Variants in PDE4D observed in about 807,000 individuals in gnomAD.
The protein encoded by PDE4D is phosphodiesterase 4D.
Under a neutral mutation model 87.4 loss-of-function variants are expected in PDE4D, and 24 were observed. That is an observed-to-expected ratio of 0.27 (90% confidence interval 0.20 to 0.39). The LOEUF (loss-of-function observed/expected upper bound fraction) is 0.39, where lower values mean the gene tolerates loss of function less well. Ranked by LOEUF, PDE4D falls within the 10% of genes least tolerant of loss-of-function variation. The pLI is 1.00. For synonymous variants in PDE4D, 384 were observed against 383.2 expected, an observed-to-expected ratio of 1.00 and a Z score of -0.02; for missense variants, 714 against 1,041.0, an observed-to-expected ratio of 0.69 and a Z score of 4.32.
chr5:59,654,363 C>T (rs975225330), intron 1 of PDE4D, among the ~76,000 whole-genome samples: 1 of 152,170 alleles, frequency 6.6e-6, no homozygotes, highest in Non-Finnish European at 1.5e-5. Flanking sequence ...GAGTTGCTCA[C>T]CTATTACCTG....
chr5:59,482,076 C>T (rs1030128152), intron 1 of PDE4D, among the ~76,000 whole-genome samples: 1 of 152,092 alleles, frequency 6.6e-6, no homozygotes, highest in Non-Finnish European at 1.5e-5. Context: ...TCAACTCTCA[C>T]ATTTTAAGTA....
chr5:59,411,251 T>C (rs1311675008), intron 1 of PDE4D, among the ~76,000 whole-genome samples: 1 of 152,178 alleles, frequency 6.6e-6, no homozygotes, highest in Non-Finnish European at 1.5e-5. Context: ...TTCTCAACTT[T>C]GTTGATTTTT....
intron 1 of PDE4D, among the ~76,000 whole-genome samples, chr5:60,440,135 C>A (rs2150131195): frequency 6.6e-6 from 1 of 152,226 alleles, no homozygotes; most frequent in South Asian, 2.1e-4. Context: ...CAGTTAGCAG[C>A]AAGCTAACGA....
intron 1 of PDE4D, among the ~76,000 whole-genome samples, chr5:60,240,114 T>G (rs985865253): frequency 2.6e-5 from 4 of 152,102 alleles, no homozygotes; most frequent in African/African-American, 9.7e-5. Context: ...TTTTGTTTTA[T>G]ATATTATTAA....
intron 1 of PDE4D, among the ~76,000 whole-genome samples, chr5:59,877,773 C>T (rs1003010316): frequency 5.9e-5 from 9 of 151,902 alleles, no homozygotes; most frequent in East Asian, 5.8e-4. Context: ...GAGCCAAGAT[C>T]GCGCCACTGC....
chr5:59,193,608 G>A (rs545071976), intron 2 of PDE4D, 72 bp from the exon 3 acceptor site: 46 of 1,582,822 alleles, frequency 2.9e-5, no homozygotes, highest in Middle Eastern at 3.3e-4. Context: ...AATATTAAAC[G>A]GCAAGTTCCA....
chr5:59,037,304 T>C (rs1205011168), intron 6 of PDE4D, among the ~76,000 whole-genome samples: 1 of 152,202 alleles, frequency 6.6e-6, no homozygotes, highest in African/African-American at 2.4e-5. Context: ...TAAGTGGCTT[T>C]TGATTCTGCT....
At chr5:59,330,304 T>C (rs529575427) in intron 1 of PDE4D, among the ~76,000 whole-genome samples, 3 of 152,278 alleles carry the variant, frequency 2.0e-5, no homozygotes, top group Admixed American at 6.5e-5. Flanking sequence ...AAATATATAG[T>C]TGAAGCCAAC....
At chr5:60,327,838 CATTT>C (rs1200008973) in intron 1 of PDE4D, among the ~76,000 whole-genome samples, 1 of 152,216 alleles carries the variant, frequency 6.6e-6, no homozygotes, top group East Asian at 1.9e-4. Context: ...GTATCGCAAA[CATTT>C]ATGTGGAAGT....
At chr5:59,291,737 A>C (rs1391854815) in intron 1 of PDE4D, among the ~76,000 whole-genome samples, 2 of 104,056 alleles carry the variant, frequency 1.9e-5, no homozygotes, top group African/African-American at 7.4e-5. Flanking sequence ...AGTAAAAAGA[A>C]GTTTTTTTTT....
intron 1 of PDE4D, chr5:60,460,837 A>T (rs1469174365): frequency 2.1e-6 from 1 of 481,916 alleles, no homozygotes; most frequent in Non-Finnish European, 3.7e-6. Flanking sequence ...AAAATTGAGC[A>T]ATAACACATG....
At chr5:59,434,560 C>G (rs1796538136) in intron 1 of PDE4D, among the ~76,000 whole-genome samples, 1 of 152,070 alleles carries the variant, frequency 6.6e-6, no homozygotes, top group South Asian at 2.1e-4. Flanking sequence ...TTTAAATATT[C>G]TTTATGTGCT....
At chr5:59,787,590 T>A (rs925276574) in intron 1 of PDE4D, among the ~76,000 whole-genome samples, 4 of 152,210 alleles carry the variant, frequency 2.6e-5, no homozygotes, top group Admixed American at 6.6e-5. Context: ...GAAGGATAGA[T>A]GGACAGATAA....
chr5:60,450,276 T>G (rs1745995256), intron 1 of PDE4D, among the ~76,000 whole-genome samples: 1 of 152,156 alleles, frequency 6.6e-6, no homozygotes, highest in Non-Finnish European at 1.5e-5. Flanking sequence ...AACCTGTGAT[T>G]GATATTCATG....
chr5:59,336,357 T>A lies in PDE4D; in HGVS notation c.456-120389A>T, dbSNP rs148118062. ...TTCCTGTCCCCATCCATCAGTAACC[T>A]CAACAGAGCTATTTTTGGATTGTTT... On this transcript the variant is annotated intron_variant, in intron 1 of 14. Transcript: ENST00000340635. Among the ~76,000 whole-genome samples, 694 of 152,346 alleles carry A rather than the reference T, an allele frequency of 4.6e-3. 4 individuals carry two copies. Among genetic ancestry groups the A allele is most frequent in the African/African-American group, 0.016 (673 of 41,582 alleles).
intron 1 of PDE4D, among the ~76,000 whole-genome samples, chr5:59,373,905 C>A (rs924214695): frequency 1.3e-5 from 2 of 152,256 alleles, no homozygotes; most frequent in African/African-American, 2.4e-5. Context: ...TTCCAACCAA[C>A]AATTTCATAT....
intron 1 of PDE4D, among the ~76,000 whole-genome samples, chr5:59,771,495 GAGAGAAGAAAGAAAGAAAGAAAGA>G (rs1763517159): frequency 3.3e-5 from 1 of 29,896 alleles, no homozygotes; most frequent in African/African-American, 9.0e-5. Flanking sequence ...GAGAGAGAGA[GAGAGAAGAAAGAAAGAAAGAAAGA>G]AAGAAAGAAA....
At chr5:59,147,246 T>C (rs568040846) in intron 5 of PDE4D, among the ~76,000 whole-genome samples, 1 of 152,338 alleles carries the variant, frequency 6.6e-6, no homozygotes, top group South Asian at 2.1e-4. Context: ...ATTTTAAAAA[T>C]TGAATGTCTT....
intron 1 of PDE4D, among the ~76,000 whole-genome samples, chr5:59,655,414 G>GT (rs1239908849): frequency 2.0e-5 from 3 of 151,972 alleles, no homozygotes; most frequent in East Asian, 3.8e-4. Context: ...TACCTTTAGT[G>GT]TTTTTTTGTT....
Sources: gnomAD v4.1 joint callset for allele counts (sites outside exome capture counted in the v4.1 genomes callset) on GRCh38, gnomAD v4.1.1 for gene constraint, MANE v1.5 for transcripts, NCBI Gene and HGNC (gene_info 2026-07-23, HGNC 2026-07-21) for gene names.